TBC1D14: variants seen among roughly 807,000 people sequenced by gnomAD.
TBC1D14 encodes TBC1 domain family member 14, also known as TBC1 domain family, member 14.
Under a neutral mutation model 79.0 loss-of-function variants are expected in TBC1D14, and 26 were observed. The observed-to-expected ratio is 0.33, with a 90% CI of 0.24 to 0.46. The LOEUF (loss-of-function observed/expected upper bound fraction) is 0.46. Ranked by LOEUF, TBC1D14 falls within the 20% of genes least tolerant of loss-of-function variation. The probability of loss-of-function intolerance (pLI) is 1.00; values close to 1 mark genes in which losing one functional copy is unlikely to be tolerated. For synonymous variants in TBC1D14, 394 were observed against 349.9 expected, an observed-to-expected ratio of 1.13 and a Z score of -1.40; for missense variants, 769 against 887.6, an observed-to-expected ratio of 0.87 and a Z score of 1.70.
At chr4:7,009,524 G>A (rs1720536491) in intron 9 of TBC1D14, among the ~76,000 whole-genome samples, 1 of 152,174 alleles carries the variant, frequency 6.6e-6, no homozygotes, top group Non-Finnish European at 1.5e-5. Flanking sequence ...ACACTGAGTA[G>A]TCACCTGCTT....
In TBC1D14 at chr4:7,010,792, T is replaced by G; in HGVS notation, c.1647+11T>G. The G allele has an allele frequency of 6.2e-7, 1 of 1,612,824 alleles. No homozygotes were observed. The highest frequency in any genetic ancestry group is 2.2e-5 in the East Asian group (1 of 44,822). ...GTGGACCATGGCCTTGTGAGTATCC[T>G]CTGTGTTCGGGCCCTGGGTACTGTG... is the stretch of plus-strand genomic sequence containing the variant. On this transcript the variant is annotated intron_variant, in intron 11 of 13. Coordinates refer to ENST00000409757, the MANE Select transcript of TBC1D14 (RefSeq NM_020773.3).
chr4:7,009,309 C>T (rs1720517456), intron 9 of TBC1D14, among the ~76,000 whole-genome samples: 1 of 152,200 alleles, frequency 6.6e-6, no homozygotes, highest in African/African-American at 2.4e-5. Context: ...TTTTTGGAAG[C>T]AGTTATAAGA....
intron 12 of TBC1D14, among the ~76,000 whole-genome samples, chr4:7,015,136 A>G (rs1219049229): frequency 2.0e-5 from 3 of 151,844 alleles, no homozygotes; most frequent in Non-Finnish European, 4.4e-5. Flanking sequence ...TGGCTCTTAG[A>G]CCCAAGCTCT....
chr4:7,010,712 C>G lies in TBC1D14; in HGVS notation c.1578C>G (p.Ala526=), dbSNP rs776601286. Residue 526 remains alanine (A), a synonymous_variant, in exon 11 of 14, where the codon GCC becomes GCG. Coordinates refer to ENST00000409757, the MANE Select transcript of TBC1D14 (RefSeq NM_020773.3). ...VLILNLDTAD[A]FIAFSNLLNK... ...TCTTGAACTTAGATACTGCAGATGCCTTTATTGCCTTTTCTAACCTTCTGA... is the reference window on the plus strand; with the variant it reads ...TCTTGAACTTAGATACTGCAGATGCGTTTATTGCCTTTTCTAACCTTCTGA... 1.9e-6 allele frequency: 3 copies of G among 1,613,922 alleles called. No homozygotes were observed. The highest frequency in any genetic ancestry group is 2.7e-5 in the African/African-American group (2 of 74,972).
At chr4:6,972,613 G>A (rs1007168453) in intron 3 of TBC1D14, among the ~76,000 whole-genome samples, 2 of 152,118 alleles carry the variant, frequency 1.3e-5, no homozygotes. Flanking sequence ...TTGTTGTTCT[G>A]CTTTGTTGAG....
At position 7,015,018 on chromosome 4, in the gene TBC1D14, A is replaced by ATG. The variant is rs552169978; in HGVS notation, c.1757+464_1757+465dup. Among the ~76,000 whole-genome samples the ATG allele has an allele frequency of 3.4e-3, 513 of 152,290 alleles. 6 individuals carry two copies. Among genetic ancestry groups the ATG allele is most frequent in the African/African-American group, 0.012 (480 of 41,566 alleles). On this transcript the variant is annotated intron_variant, in intron 12 of 13. Transcript: ENST00000409757. ...TACATAGAGCGAAGGTGACAAGTGC[A>ATG]TGTGCCATTCCAGAGTCAGCGGGCA...
At chr4:6,953,808 G>A (rs1483769538) in intron 2 of TBC1D14, among the ~76,000 whole-genome samples, 2 of 152,136 alleles carry the variant, frequency 1.3e-5, no homozygotes, top group African/African-American at 2.4e-5. Context: ...GTGACTCAAC[G>A]GCAGACCTGG....
At chr4:6,946,334 GTAT>G (rs1381914139) in intron 2 of TBC1D14, among the ~76,000 whole-genome samples, 2 of 152,096 alleles carry the variant, frequency 1.3e-5, no homozygotes, top group Non-Finnish European at 2.9e-5. Flanking sequence ...TATTTTACTT[GTAT>G]TATTATTATT....
intron 9 of TBC1D14, 127 bp from the exon 10 acceptor site, chr4:7,009,750 T>C (rs1720556371): frequency 2.1e-6 from 2 of 941,476 alleles, no homozygotes. Flanking sequence ...GCTGGCATCA[T>C]GCTTGGCATA....
intron 12 of TBC1D14, among the ~76,000 whole-genome samples, chr4:7,018,310 T>G (rs1411881612): frequency 2.6e-5 from 4 of 152,112 alleles, no homozygotes; most frequent in Admixed American, 1.3e-4. Flanking sequence ...CTGAGGGGCC[T>G]GTGGGTGTGG....
rs539867880 is a variant in TBC1D14, at chr4:6,991,601, C to T, written c.844-2583C>T. On this transcript the variant is annotated intron_variant, in intron 3 of 13. Coordinates refer to ENST00000409757, the MANE Select transcript of TBC1D14 (RefSeq NM_020773.3). ...GAACCTTCGTTGGGCCATCTGACCA[C>T]AGCCACAGCTTTGCGCTGGTGAGGT... Among the ~76,000 whole-genome samples the T allele has an allele frequency of 5.7e-4, 87 of 152,362 alleles. 1 individual carries two copies. Among genetic ancestry groups the T allele is most frequent in the Middle Eastern group, 3.4e-3 (1 of 294 alleles).
At chr4:6,950,105 C>T (rs1577073981) in intron 2 of TBC1D14, among the ~76,000 whole-genome samples, 1 of 152,118 alleles carries the variant, frequency 6.6e-6, no homozygotes, top group African/African-American at 2.4e-5. Context: ...ATGTTCGCTC[C>T]CTGTGTCCAT....
intron 12 of TBC1D14, among the ~76,000 whole-genome samples, chr4:7,016,908 A>G (rs934094169): frequency 6.6e-6 from 1 of 152,218 alleles, no homozygotes; most frequent in African/African-American, 2.4e-5. Flanking sequence ...AAAAGGCACC[A>G]GCGTTTTTTG....
intron 3 of TBC1D14, among the ~76,000 whole-genome samples, chr4:6,979,177 CAA>C (rs1386245042): frequency 1.3e-5 from 2 of 151,960 alleles, no homozygotes; most frequent in African/African-American, 4.8e-5. Flanking sequence ...AAGCTTGAAT[CAA>C]GACAGGAAAG....
At chr4:6,909,531 G>C (rs1391643942), upstream of TBC1D14, 1 of 152,092 alleles carries the variant, frequency 6.6e-6, no homozygotes, top group East Asian at 1.9e-4. Flanking sequence ...TCGGATGTCC[G>C]TGGGGGCCCT....
At chr4:6,919,033 A>T (rs915366705) in intron 1 of TBC1D14, among the ~76,000 whole-genome samples, 1 of 152,150 alleles carries the variant, frequency 6.6e-6, no homozygotes, top group Non-Finnish European at 1.5e-5. Flanking sequence ...GCTGTGAAAC[A>T]CTGAAAACGT....
At chr4:7,011,243 T>G (rs866263766) in intron 11 of TBC1D14, among the ~76,000 whole-genome samples, 2 of 151,724 alleles carry the variant, frequency 1.3e-5, no homozygotes, top group Non-Finnish European at 1.5e-5. Context: ...GAGACCATAC[T>G]CCTTTATTTT....
At chr4:6,958,274 T>TC (rs11389762) in intron 2 of TBC1D14, among the ~76,000 whole-genome samples, 113,000 of 151,814 alleles carry the variant, frequency 0.74, 43,089 homozygotes, top group East Asian at 0.97. Context: ...CTCACCTGCT[T>TC]CATACTGGGG....
At chr4:6,954,335 A>T (rs1288049736) in intron 2 of TBC1D14, 2 of 717,440 alleles carry the variant, frequency 2.8e-6, no homozygotes, top group African/African-American at 3.5e-5. Flanking sequence ...CTGTTCATGG[A>T]CAGGTTTGTG....
Sources: gnomAD v4.1 joint callset for allele counts (sites outside exome capture counted in the v4.1 genomes callset) on GRCh38, gnomAD v4.1.1 for gene constraint, MANE v1.5 for transcripts, NCBI Gene and HGNC (gene_info 2026-07-23, HGNC 2026-07-21) for gene names.